GALNTL6: variants seen among roughly 807,000 people sequenced by gnomAD.
GALNTL6 encodes the protein polypeptide N-acetylgalactosaminyltransferase-like 6.
Under a neutral mutation model 73.7 loss-of-function variants are expected in GALNTL6, and 46 were observed. The ratio of observed to expected loss-of-function variants is 0.62; its 90% CI spans 0.49 to 0.80. The LOEUF (loss-of-function observed/expected upper bound fraction) is 0.80, where lower values mean the gene tolerates loss of function less well. GALNTL6 is among the 30% of genes least tolerant of loss of function. The probability of loss-of-function intolerance (pLI) is 0.00; values close to 1 mark genes in which losing one functional copy is unlikely to be tolerated. For missense variants in GALNTL6, 604 were observed against 755.0 expected (o/e 0.80, Z 2.34); for synonymous variants, 259 against 263.7 (o/e 0.98, Z 0.17).
In GALNTL6 at chr4:172,615,241, C is replaced by A. The variant is rs1003706978; in HGVS notation, c.554-194120C>A. Among the ~76,000 whole-genome samples the A allele has an allele frequency of 4.7e-5, 7 of 150,218 alleles. No individual in the cohort carries two copies. The East Asian group carries it at 1.4e-3, about 29-fold the overall frequency. On this transcript the variant is annotated intron_variant, in intron 5 of 12. Coordinates refer to ENST00000506823, the MANE Select transcript of GALNTL6 (RefSeq NM_001034845.3). ...TATCTCACAGTGAGAAAAAATTCTT[C>A]TCTGTCATTAGAGAGGGTGAAACAT... is the stretch of plus-strand genomic sequence containing the variant.
At chr4:172,489,658 A>G (rs1281302770) in intron 5 of GALNTL6, among the ~76,000 whole-genome samples, 2 of 152,208 alleles carry the variant, frequency 1.3e-5, no homozygotes, top group African/African-American at 4.8e-5. Flanking sequence ...ATTTTTCTAA[A>G]TGTATAATAT....
chr4:172,269,366 G>A (rs1738560695), intron 3 of GALNTL6, among the ~76,000 whole-genome samples: 1 of 152,204 alleles, frequency 6.6e-6, no homozygotes, highest in Non-Finnish European at 1.5e-5. Context: ...AGCACAGAAT[G>A]AGCTTGCCAG....
intron 5 of GALNTL6, among the ~76,000 whole-genome samples, chr4:172,762,865 A>T (rs1738198296): frequency 6.6e-6 from 1 of 151,172 alleles, no homozygotes; most frequent in Non-Finnish European, 1.5e-5. Context: ...AAGATCAGAA[A>T]AACAAGTTTT....
chr4:172,432,729 C>A (rs1217104220), intron 5 of GALNTL6, among the ~76,000 whole-genome samples: 1 of 151,872 alleles, frequency 6.6e-6, no homozygotes, highest in East Asian at 1.9e-4. Flanking sequence ...CCATAAATCT[C>A]TTTTAAAAAT....
At chr4:172,993,786 G>A (rs1259056221) in intron 10 of GALNTL6, among the ~76,000 whole-genome samples, 1 of 152,146 alleles carries the variant, frequency 6.6e-6, no homozygotes, top group East Asian at 1.9e-4. Context: ...TCCGGGCATG[G>A]TGGCACATGC....
chr4:171,831,322 G>A (rs1357843130), intron 2 of GALNTL6, among the ~76,000 whole-genome samples: 2 of 151,972 alleles, frequency 1.3e-5, no homozygotes, highest in South Asian at 4.1e-4. Flanking sequence ...GATATGACAA[G>A]CTTTATTTGG....
chr4:172,290,590 A>G (rs1351045256), intron 3 of GALNTL6, among the ~76,000 whole-genome samples: 1 of 152,042 alleles, frequency 6.6e-6, no homozygotes, highest in African/African-American at 2.4e-5. Context: ...GAAAATATTG[A>G]TAATTGCAAT....
chr4:171,965,413 T>C (rs1739355733), intron 2 of GALNTL6, among the ~76,000 whole-genome samples: 1 of 151,956 alleles, frequency 6.6e-6, no homozygotes, highest in Non-Finnish European at 1.5e-5. Flanking sequence ...TCCCAGCACT[T>C]TGGGAAACCG....
intron 2 of GALNTL6, among the ~76,000 whole-genome samples, chr4:171,858,891 C>T (rs1423370159): frequency 6.6e-6 from 1 of 151,920 alleles, no homozygotes; most frequent in Non-Finnish European, 1.5e-5. Context: ...TATGTTAGTA[C>T]TAAATAAGAT....
At chr4:172,030,707 C>T (rs1741739999) in intron 2 of GALNTL6, among the ~76,000 whole-genome samples, 1 of 151,742 alleles carries the variant, frequency 6.6e-6, no homozygotes, top group South Asian at 2.1e-4. Flanking sequence ...TAGACTCTGT[C>T]TCCAAAAGAA....
chr4:171,820,334 A>G lies in GALNTL6; in HGVS notation c.138+5616A>G, dbSNP rs1044236456. 3.3e-5 allele frequency among the ~76,000 whole-genome samples: 5 copies of G among 152,282 alleles called. No homozygotes were observed. In the South Asian group the frequency reaches 6.2e-4, roughly 19 times the overall value. On this transcript the variant is annotated intron_variant, in intron 2 of 12. Coordinates refer to ENST00000506823, the MANE Select transcript of GALNTL6 (RefSeq NM_001034845.3). ...GATGAATTCAAGGTAAAGCACATCA[A>G]TGTTTCCACCAAGGTTTTTGCTTCC...
chr4:172,037,085 G>C (rs1323826372), intron 2 of GALNTL6, among the ~76,000 whole-genome samples: 1 of 152,008 alleles, frequency 6.6e-6, no homozygotes, highest in African/African-American at 2.4e-5. Context: ...CTTGGCTATG[G>C]ACTATATGTA....
At chr4:172,905,656 G>T (rs1235866390) in intron 8 of GALNTL6, among the ~76,000 whole-genome samples, 1 of 151,874 alleles carries the variant, frequency 6.6e-6, no homozygotes, top group Non-Finnish European at 1.5e-5. Context: ...AAATTAGTAA[G>T]TCCACAAAAT....
intron 5 of GALNTL6, among the ~76,000 whole-genome samples, chr4:172,522,831 T>C (rs918602869): frequency 6.6e-5 from 10 of 152,202 alleles, no homozygotes; most frequent in Admixed American, 3.3e-4. Flanking sequence ...AATACATACA[T>C]AGAAAAGCAT....
chr4:172,384,895 G>A (rs570855755), intron 5 of GALNTL6, among the ~76,000 whole-genome samples: 7 of 151,828 alleles, frequency 4.6e-5, no homozygotes, highest in African/African-American at 1.5e-4. Flanking sequence ...ATAGACATGG[G>A]CCACTGTGAC....
rs536356501 is a variant in GALNTL6, at chr4:172,481,423, G to C, written c.553+132734G>C. Among the ~76,000 whole-genome samples the C allele has an allele frequency of 5.7e-5, 8 of 140,164 alleles. No homozygotes were observed. The South Asian group carries it at 1.6e-3, about 28-fold the overall frequency. 92.0% of individuals were successfully genotyped at this position (140,164 alleles called of 152,430 possible). On this transcript the variant is annotated intron_variant, in intron 5 of 12. Coordinates refer to ENST00000506823, the MANE Select transcript of GALNTL6 (RefSeq NM_001034845.3). ...CTTCCACAGTGTGGAAGGGGACCAG[G>C]GTTGTCTCTGTGGGCTTGGGCAGCC...
chr4:172,634,723 A>G (rs1382943966), intron 5 of GALNTL6, among the ~76,000 whole-genome samples: 1 of 152,214 alleles, frequency 6.6e-6, no homozygotes, highest in Non-Finnish European at 1.5e-5. Context: ...CTTATTCAAC[A>G]TTTATTGAAT....
At chr4:172,846,005 A>G (rs775680318) in intron 7 of GALNTL6, among the ~76,000 whole-genome samples, 1 of 152,226 alleles carries the variant, frequency 6.6e-6, no homozygotes, top group Non-Finnish European at 1.5e-5. Flanking sequence ...ATAACAGTGA[A>G]GTTTTTGTAA....
intron 5 of GALNTL6, among the ~76,000 whole-genome samples, chr4:172,445,651 A>G (rs1237354600): frequency 1.3e-5 from 2 of 152,154 alleles, no homozygotes; most frequent in African/African-American, 2.4e-5. Flanking sequence ...TTCCTAAAAC[A>G]ATTATGGTAG....
Sources: gnomAD v4.1 joint callset for allele counts (sites outside exome capture counted in the v4.1 genomes callset) on GRCh38, gnomAD v4.1.1 for gene constraint, MANE v1.5 for transcripts, NCBI Gene and HGNC (gene_info 2026-07-23, HGNC 2026-07-21) for gene names.